DLG2: variants seen among roughly 807,000 people sequenced by gnomAD.
The protein encoded by DLG2 is disks large homolog 2.
Under a neutral mutation model 132.5 loss-of-function variants are expected in DLG2, and 45 were observed. The observed-to-expected ratio is 0.34, with a 90% CI of 0.27 to 0.44. The LOEUF (loss-of-function observed/expected upper bound fraction) is 0.44, where lower values mean the gene tolerates loss of function less well. DLG2 is among the 20% of genes least tolerant of loss of function. The pLI is 1.00. For synonymous variants in DLG2, 424 were observed against 419.6 expected (o/e 1.01, Z -0.13); for missense variants, 1,045 against 1,196.9 (o/e 0.87, Z 1.87).
chr11:84,508,152 C>A (rs990857223), intron 7 of DLG2, among the ~76,000 whole-genome samples: 3 of 152,170 alleles, frequency 2.0e-5, no homozygotes, highest in African/African-American at 7.2e-5. Context: ...TTATGATACA[C>A]ACATGTGCTG....
intron 11 of DLG2, among the ~76,000 whole-genome samples, chr11:83,991,113 T>G (rs2093687346): frequency 6.6e-6 from 1 of 152,198 alleles, no homozygotes; most frequent in African/African-American, 2.4e-5. Flanking sequence ...TATTTTAATT[T>G]GAGAGAGTAG....
chr11:84,993,616 G>A (rs1259390114), intron 6 of DLG2, among the ~76,000 whole-genome samples: 1 of 152,100 alleles, frequency 6.6e-6, no homozygotes, highest in African/African-American at 2.4e-5. Context: ...TCCTACTGTC[G>A]GGGAGGAGGG....
intron 3 of DLG2, among the ~76,000 whole-genome samples, chr11:85,449,813 G>A (rs947795055): frequency 3.9e-4 from 56 of 144,362 alleles, no homozygotes; most frequent in African/African-American, 1.3e-3. Context: ...TTTAGCTCTA[G>A]ACTGCTCAGA....
rs568361391 is a variant in DLG2 at position 85,220,629 on chromosome 11, GA to G, written c.186+64590del. On this transcript the variant is annotated intron_variant, in intron 4 of 27. Transcript: ENST00000376104. ...AGAGACAAGTTTATTATATCAAATA[GA>G]AAAAAAAATATATATATATATATAA... Among the ~76,000 whole-genome samples the G allele has an allele frequency of 6.6e-4, 95 of 144,522 alleles. 1 individual carries two copies. The highest frequency in any genetic ancestry group is 2.1e-3 in the African/African-American group (81 of 39,424). The allele number at this position is 144,522 out of a possible 152,430, so 94.8% of individuals were successfully genotyped here. A position where few individuals can be genotyped will look rare whatever the true frequency, so the allele number is the denominator to read the frequency against.
At chr11:85,470,401 G>C (rs185155754) in intron 3 of DLG2, among the ~76,000 whole-genome samples, 94 of 152,212 alleles carry the variant, frequency 6.2e-4, no homozygotes, top group Admixed American at 3.6e-3. Context: ...AAGGAGAAGA[G>C]TTCCACTGAA....
At position 84,371,901 on chromosome 11, in the gene DLG2, T is replaced by A. The variant is rs954974824; in HGVS notation, c.520-120610A>T. ...TACTTTATTAAAAAGATAACCCACT[T>A]CACGGAAAAGGGCAGTCATTTTGAA... On this transcript the variant is annotated intron_variant, in intron 7 of 27. Coordinates refer to ENST00000376104, the MANE Select transcript of DLG2 (RefSeq NM_001142699.3). Among the ~76,000 whole-genome samples, 3 of 152,294 alleles carry A rather than the reference T, an allele frequency of 2.0e-5. 1 individual carries two copies.
chr11:84,717,079 C>G (rs1596403616), intron 6 of DLG2, among the ~76,000 whole-genome samples: 1 of 152,010 alleles, frequency 6.6e-6, no homozygotes, highest in East Asian at 1.9e-4. Context: ...CTTGAAAGCT[C>G]AAATTACTCA....
chr11:83,514,976 G>GTCTAAAATTC (rs1361764761), intron 21 of DLG2, among the ~76,000 whole-genome samples: 2 of 152,148 alleles, frequency 1.3e-5, no homozygotes, highest in African/African-American at 4.8e-5. Flanking sequence ...AGGGATATTG[G>GTCTAAAATTC]TCTAAAATTC....
At chr11:84,711,899 C>T (rs2060494433) in intron 6 of DLG2, among the ~76,000 whole-genome samples, 1 of 151,980 alleles carries the variant, frequency 6.6e-6, no homozygotes, top group African/African-American at 2.4e-5. Context: ...TTAAGTAATG[C>T]CTAGTCTTTA....
intron 4 of DLG2, among the ~76,000 whole-genome samples, chr11:85,196,341 C>G (rs965937648): frequency 3.9e-5 from 6 of 152,156 alleles, no homozygotes; most frequent in African/African-American, 1.4e-4. Context: ...TTCAATTTTC[C>G]TTTATTTAAA....
chr11:85,236,022 G>A (rs2075569065), intron 4 of DLG2, among the ~76,000 whole-genome samples: 1 of 151,774 alleles, frequency 6.6e-6, no homozygotes. Context: ...CTATAGTCAG[G>A]ATGAGGGAAG....
chr11:84,954,144 A>G (rs576564976), intron 6 of DLG2, among the ~76,000 whole-genome samples: 1 of 152,170 alleles, frequency 6.6e-6, no homozygotes, highest in East Asian at 1.9e-4. Flanking sequence ...TTTATTTGCA[A>G]ATCTCTATCT....
chr11:85,416,083 C>T lies in DLG2; in HGVS notation c.41-130718G>A, dbSNP rs138343313. 6.7e-3 allele frequency among the ~76,000 whole-genome samples: 1,012 copies of T among 152,124 alleles called. 7 individuals are homozygous for T. Among genetic ancestry groups the T allele is most frequent in the African/African-American group, 0.023 (951 of 41,520 alleles). On this transcript the variant is annotated intron_variant, in intron 3 of 27. Coordinates refer to ENST00000376104, the MANE Select transcript of DLG2 (RefSeq NM_001142699.3). The stretch of plus-strand genomic sequence containing the variant: ...AGGACGGGGTCCAGTTTCAGTTTTC[C>T]GCATATGGCTAGCCAGTTTTCCCAA...
chr11:84,729,529 A>G (rs2062899547), intron 6 of DLG2, among the ~76,000 whole-genome samples: 1 of 152,032 alleles, frequency 6.6e-6, no homozygotes. Flanking sequence ...AAGTGTAATG[A>G]GGTGCTGAGT....
chr11:83,964,667 A>T (rs1427925150), intron 13 of DLG2, among the ~76,000 whole-genome samples: 1 of 151,980 alleles, frequency 6.6e-6, no homozygotes, highest in Non-Finnish European at 1.5e-5. Context: ...ATTCGTGTTG[A>T]CCTATTAAGA....
At chr11:83,914,144 A>G (rs1315930440) in intron 15 of DLG2, among the ~76,000 whole-genome samples, 2 of 152,056 alleles carry the variant, frequency 1.3e-5, no homozygotes, top group African/African-American at 4.8e-5. Flanking sequence ...GGGGCCTGGG[A>G]GAGGTGTTTT....
chr11:84,067,110 G>GT (rs1387169746), intron 10 of DLG2, among the ~76,000 whole-genome samples: 1 of 151,944 alleles, frequency 6.6e-6, no homozygotes, highest in Non-Finnish European at 1.5e-5. Flanking sequence ...CGAGGTGGGA[G>GT]TATCATGAGG....
In DLG2 at chr11:85,585,224, T is replaced by C. The variant is rs540880244; in HGVS notation, c.40+13433A>G. ...CAGTTTCATTCTTCTACATGTGGCTTGCCGATTATCCCAGAACCATTTGTT... is the reference window on the plus strand; with the variant it reads ...CAGTTTCATTCTTCTACATGTGGCTCGCCGATTATCCCAGAACCATTTGTT... On this transcript the variant is annotated intron_variant, in intron 3 of 27. Coordinates refer to ENST00000376104, the MANE Select transcript of DLG2 (RefSeq NM_001142699.3). 1.6e-4 allele frequency among the ~76,000 whole-genome samples: 24 copies of C among 152,298 alleles called. No individual in the cohort carries two copies. In the South Asian group the frequency reaches 4.8e-3, roughly 30 times the overall value.
chr11:85,023,832 A>C (rs1240114173), intron 6 of DLG2, among the ~76,000 whole-genome samples: 2 of 152,116 alleles, frequency 1.3e-5, no homozygotes, highest in Non-Finnish European at 2.9e-5. Context: ...ATTATTTCAT[A>C]TCCTCATTAA....
Sources: allele counts gnomAD v4.1 joint callset (sites outside exome capture counted in the v4.1 genomes callset), GRCh38; gene constraint gnomAD v4.1.1; transcripts MANE v1.5; gene names NCBI Gene and HGNC (gene_info 2026-07-23, HGNC 2026-07-21).